Variants in SLC9A7 observed in about 807,000 individuals in gnomAD.
The protein encoded by SLC9A7 is solute carrier family 9 member A7.
In SLC9A7, 19 loss-of-function variants were observed where a neutral mutation model predicts 52.6. The ratio of observed to expected loss-of-function variants is 0.36; its 90% confidence interval spans 0.25 to 0.53. The LOEUF (loss-of-function observed/expected upper bound fraction) is 0.53. SLC9A7 is among the 20% of genes least tolerant of loss of function. SLC9A7 has a pLI of 0.91. For synonymous variants in SLC9A7, 226 were observed against 252.1 expected (o/e 0.90, Z 0.98); for missense variants, 455 against 597.9 (o/e 0.76, Z 2.49).
chrX:46,615,949 T>C (rs1942940787), intron 15 of SLC9A7, among the ~76,000 whole-genome samples: 1 of 110,473 alleles, frequency 9.1e-6, no homozygotes, highest in Non-Finnish European at 1.9e-5. Context: ...ACTGGAGATA[T>C]ATAACATTTG....
chrX:46,655,999 T>C (rs1360413482), intron 7 of SLC9A7, among the ~76,000 whole-genome samples: 1 of 110,848 alleles, frequency 9.0e-6, no homozygotes. Context: ...AGAGCAGTGG[T>C]TCTCCCAGCA....
chrX:46,620,053 T>C (rs187432204), intron 15 of SLC9A7, among the ~76,000 whole-genome samples: 4 of 112,147 alleles, frequency 3.6e-5, no homozygotes, highest in African/African-American at 1.3e-4. Flanking sequence ...TTCAATAAAT[T>C]TTTAACAGTT....
At chrX:46,698,321 C>G (rs1159069240) in intron 1 of SLC9A7, among the ~76,000 whole-genome samples, 1 of 111,232 alleles carries the variant, frequency 9.0e-6, no homozygotes, top group East Asian at 2.8e-4. Flanking sequence ...CGTGATGTCT[C>G]CCCCGGATGC....
At chrX:46,712,338 C>T (rs1047395285) in intron 1 of SLC9A7, among the ~76,000 whole-genome samples, 2 of 110,869 alleles carry the variant, frequency 1.8e-5, no homozygotes, top group African/African-American at 3.3e-5. Context: ...TGGTGGAAGG[C>T]GAAGGGGAGC....
intron 1 of SLC9A7, among the ~76,000 whole-genome samples, chrX:46,699,900 G>A (rs1374346354): frequency 9.0e-6 from 1 of 111,150 alleles, no homozygotes; most frequent in Non-Finnish European, 1.9e-5. Context: ...AGGATTGCTT[G>A]AGCCCAGAAG....
At chrX:46,619,721 C>CAA (rs1465406574) in intron 15 of SLC9A7, among the ~76,000 whole-genome samples, 1 of 89,782 alleles carries the variant, frequency 1.1e-5, no homozygotes, top group Non-Finnish European at 2.1e-5. Context: ...AGGGGTTTGG[C>CAA]AATTTTCTTT....
chrX:46,609,676 G>T (rs1177959672), intron 16 of SLC9A7, among the ~76,000 whole-genome samples: 1 of 110,022 alleles, frequency 9.1e-6, no homozygotes, highest in Non-Finnish European at 1.9e-5. Context: ...CTCCCACCTG[G>T]GTGACAGAGC....
intron 5 of SLC9A7, among the ~76,000 whole-genome samples, chrX:46,665,118 A>C (rs1475194942): frequency 9.1e-6 from 1 of 110,406 alleles, no homozygotes; most frequent in Non-Finnish European, 1.9e-5. Flanking sequence ...AGACTGGCTA[A>C]GTGGTCTTTA....
chrX:46,697,298 A>C (rs1224254466), intron 1 of SLC9A7, among the ~76,000 whole-genome samples: 1 of 112,095 alleles, frequency 8.9e-6, no homozygotes, highest in African/African-American at 3.2e-5. Flanking sequence ...ATTGCTAACA[A>C]AGTAGCTTTT....
chrX:46,733,319 T>C (rs1602286309), intron 1 of SLC9A7, among the ~76,000 whole-genome samples: 1 of 112,003 alleles, frequency 8.9e-6, no homozygotes, highest in East Asian at 2.8e-4. Context: ...CTGCTATCCA[T>C]AGCAAAGAAT....
intron 1 of SLC9A7, among the ~76,000 whole-genome samples, chrX:46,714,611 C>A (rs1424609862): frequency 9.0e-6 from 1 of 111,597 alleles, no homozygotes; most frequent in Non-Finnish European, 1.9e-5. Flanking sequence ...TTTTGAGATC[C>A]CCGACAAATA....
intron 1 of SLC9A7, among the ~76,000 whole-genome samples, chrX:46,701,120 T>C (rs1944524272): frequency 9.0e-6 from 1 of 111,461 alleles, no homozygotes; most frequent in African/African-American, 3.3e-5. Context: ...TCTTGAAACA[T>C]CACATATTTT....
chrX:46,694,633 C>A (rs934703062), intron 1 of SLC9A7, among the ~76,000 whole-genome samples: 11 of 111,541 alleles, frequency 9.9e-5, no homozygotes, highest in Non-Finnish European at 1.7e-4. Flanking sequence ...TCATACGCTG[C>A]TGGTGGGAAT....
intron 14 of SLC9A7, among the ~76,000 whole-genome samples, chrX:46,627,516 C>T (rs1446563789): frequency 1.2e-4 from 13 of 111,577 alleles, no homozygotes; most frequent in African/African-American, 3.9e-4. Context: ...TGTCTCCACT[C>T]TCTTGCTTCT....
intron 1 of SLC9A7, chrX:46,725,766 G>T: frequency 1.0e-6 from 1 of 964,346 alleles, no homozygotes; most frequent in Non-Finnish European, 1.5e-6. Context: ...AATGCAGTCA[G>T]TCAGGCTGGG....
At chrX:46,654,720 T>G (rs1161466994) in intron 7 of SLC9A7, among the ~76,000 whole-genome samples, 1 of 110,796 alleles carries the variant, frequency 9.0e-6, no homozygotes, top group Admixed American at 9.6e-5. Context: ...AGCTACCAGG[T>G]GCTGGTGTCA....
rs944125048 is a variant in SLC9A7 at position 46,606,459 on chromosome X, T to C, written c.*493A>G. On this transcript the variant is annotated 3_prime_UTR_variant, in exon 17 of 17. Coordinates refer to ENST00000616978, the MANE Select transcript of SLC9A7 (RefSeq NM_001257291.2). ...TCGTTGCCAGAGCCTCCAAATTGCT[T>C]TTTCATGTTTTCTGTCCCATTTAAC... The C allele has an allele frequency of 1.3e-6, 1 of 755,593 alleles. No individual in the cohort carries two copies. Among genetic ancestry groups the C allele is most frequent in the Non-Finnish European group, 1.6e-6 (1 of 641,067 alleles). The allele number at this position is 755,593 out of a possible 1,213,427, so 62.3% of individuals were successfully genotyped here.
chrX:46,673,875 G>T (rs188716434), intron 3 of SLC9A7, among the ~76,000 whole-genome samples: 135 of 112,525 alleles, frequency 1.2e-3, no homozygotes, highest in African/African-American at 4.2e-3. Context: ...TCAAGGGCTT[G>T]CCATGCTGAC....
rs187350310 is a variant in SLC9A7, at chrX:46,740,122, A to G, written c.325+18583T>C. ...ACTGTATAAACATACAGACACACACACGAAGTCCACAGTTCAAGAAAAATA... is the reference window on the plus strand; with the variant it reads ...ACTGTATAAACATACAGACACACACGCGAAGTCCACAGTTCAAGAAAAATA... On this transcript the variant is annotated intron_variant, in intron 1 of 16. Transcript: ENST00000616978. Among the ~76,000 whole-genome samples the G allele has an allele frequency of 3.2e-4, 36 of 112,019 alleles. 1 individual carries two copies. The East Asian group carries it at 7.3e-3, about 23-fold the overall frequency.
Sources: allele counts gnomAD v4.1 joint callset (sites outside exome capture counted in the v4.1 genomes callset), GRCh38; gene constraint gnomAD v4.1.1; transcripts MANE v1.5; gene names NCBI Gene and HGNC (gene_info 2026-07-23, HGNC 2026-07-21).